The following HR variants were observed in gnomAD, a reference collection of about 807,000 sequenced individuals.
The protein encoded by HR is lysine-specific demethylase hairless.
HR carries 83 observed loss-of-function variants against 128.6 expected under a neutral mutation model. The observed-to-expected ratio is 0.65, with a 90% confidence interval of 0.54 to 0.77. The LOEUF (loss-of-function observed/expected upper bound fraction) is 0.77, where lower values mean the gene tolerates loss of function less well. Ranked by LOEUF, HR falls within the 30% of genes least tolerant of loss-of-function variation. The pLI is 0.00. For synonymous variants in HR, 681 were observed against 658.2 expected (o/e 1.03, Z -0.53); for missense variants, 1,490 against 1,574.6 (o/e 0.95, Z 0.91).
At chr8:22,121,014 C>T (rs1826736079) in intron 10 of HR, 51 bp downstream of exon 10, 2 of 1,612,724 alleles carry the variant, frequency 1.2e-6, no homozygotes, top group Non-Finnish European at 1.7e-6. Context: ...GGAGGGCAGG[C>T]CCAGCCTCTG....
At position 22,122,860 on chromosome 8, in the gene HR, C is replaced by T. The variant is rs376963554; in HGVS notation, c.1935G>A (p.Ala645=). Residue 645 remains alanine (A), a synonymous_variant, in exon 7 of 19, where the codon GCG becomes GCA. Transcript: ENST00000381418. ...GCCCGGCCTCCTGCGTGCACTCCTC[C>T]GCGGACTGCTCCTGAAAGCCTGTGG... ...REKAGFQEQS[A]EECTQEAGHA... 36 of 1,554,014 alleles carry T rather than the reference C, an allele frequency of 2.3e-5. No homozygotes were observed. The African/African-American group carries it at 2.6e-4, about 11-fold the overall frequency.
intron 14 of HR, 56 bp from the exon 15 acceptor site, chr8:22,119,339 T>C: frequency 3.1e-6 from 5 of 1,609,258 alleles, no homozygotes; most frequent in South Asian, 1.1e-5. Flanking sequence ...CCAGGCGCGG[T>C]TGCTCACGCC....
intron 6 of HR, among the ~76,000 whole-genome samples, chr8:22,123,284 T>A (rs573463975): frequency 1.3e-5 from 2 of 152,294 alleles, no homozygotes; most frequent in African/African-American, 4.8e-5. Context: ...CTGCAACACG[T>A]TACTAACTGT....
At position 22,119,847 on chromosome 8, in the gene HR, C is replaced by A. The variant is rs368350520; in HGVS notation, c.2890G>T (p.Ala964Ser). The A allele has an allele frequency of 2.5e-6, 4 of 1,613,792 alleles. No homozygotes were observed. Among genetic ancestry groups the A allele is most frequent in the Non-Finnish European group, 3.4e-6 (4 of 1,180,002 alleles). ...GCCAGGTTGAGTTTTCCATGGAGGG[C>A]GCAGTACTCCGGAAGTGGCAGACTG... ...AASLPLPEYCALHGKLNLASY... is the reference protein window; with the variant it reads ...AASLPLPEYCSLHGKLNLASY... The change falls in exon 14 of 19, where the codon GCC becomes TCC. Residue 964 changes from alanine (A) to serine (S), a missense_variant. This residue lies in a region of HR where 423 missense variants were observed against 495.9 expected (regional missense o/e 0.85). Coordinates refer to ENST00000381418, the MANE Select transcript of HR (RefSeq NM_005144.5).
In HR at chr8:22,120,843, A is replaced by C. The variant is rs1387107902; in HGVS notation, c.2483T>G (p.Leu828Arg). 6.4e-7 allele frequency: 1 copy of C among 1,551,830 alleles called. No individual in the cohort carries two copies. The highest frequency in any genetic ancestry group is 8.7e-7 in the Non-Finnish European group (1 of 1,147,760). The change falls in exon 11 of 19, where the codon CTG becomes CGG. Residue 828 changes from leucine (L) to arginine (R), a missense_variant. This residue lies in a region of HR where 423 missense variants were observed against 495.9 expected (regional missense o/e 0.85). Coordinates refer to ENST00000381418, the MANE Select transcript of HR (RefSeq NM_005144.5). ...CCGCACTGGAGAGAGGGGCAGGCCC[A>C]GGCCCTTGCGCAGACCCGGGCCAGC... ...LRAGPGLRKGLGLPLSPVRPR... is the reference protein window; with the variant it reads ...LRAGPGLRKGRGLPLSPVRPR...
At position 22,123,802 on chromosome 8, in the gene HR, C is replaced by T. The variant is rs1308301896; in HGVS notation, c.1762G>A (p.Ala588Thr). ...AWAQREGQGP[A>T]VTEDSPGIPR... Reference sequence around the variant, plus strand: ...ATGCCTGGGCTGTCCTCTGTCACGGCTGGCCCTTGGCCTGCTGACCACGGA... The same window carrying T: ...ATGCCTGGGCTGTCCTCTGTCACGGTTGGCCCTTGGCCTGCTGACCACGGA... The change falls in exon 6 of 19, where the codon GCC (alanine) becomes ACC (threonine). Residue 588 changes from alanine to threonine, a missense_variant. Transcript: ENST00000381418. 7 of 1,601,022 alleles carry T rather than the reference C, an allele frequency of 4.4e-6. No individual in the cohort carries two copies. The highest frequency in any genetic ancestry group is 5.9e-6 in the Non-Finnish European group (7 of 1,176,498).
In HR at chr8:22,119,954, C is replaced by T; in HGVS notation, c.2847-64G>A. 3.1e-6 allele frequency: 5 copies of T among 1,609,674 alleles called. No homozygotes were observed. In the South Asian group the frequency reaches 5.5e-5, roughly 18 times the overall value. ...GGGCACCAGAGACCCCATCAAAGCC[C>T]CACCACCACCGGGGTAACTCCCAGA... On this transcript the variant is annotated intron_variant, in intron 13 of 18. Transcript: ENST00000381418.
chr8:22,121,828 A>G, intron 8 of HR, 134 bp from the exon 9 acceptor site: 4 of 871,916 alleles, frequency 4.6e-6, no homozygotes, highest in Non-Finnish European at 7.6e-6. Flanking sequence ...GCAAAATGCC[A>G]TAGGATATAA....
intron 10 of HR, 33 bp from the exon 11 acceptor site, chr8:22,120,991 CT>C (rs1309676681): frequency 6.2e-7 from 1 of 1,610,570 alleles, no homozygotes; most frequent in South Asian, 1.1e-5. Context: ...TTAGGACCCA[CT>C]GGGCCCCACA....
In HR at chr8:22,118,761, C is replaced by G; in HGVS notation, c.3213+189G>C. 3 of 609,280 alleles carry G rather than the reference C, an allele frequency of 4.9e-6. 1 individual carries two copies. In the South Asian group the frequency reaches 5.9e-5, roughly 12 times the overall value. 37.7% of individuals were successfully genotyped at this position (609,280 alleles called of 1,614,324 possible). ...TCCTGCCGCAGCCCCTGCCCCTTCT[C>G]TGAGCCCCACGGCAGAACTCCGGGT... is the stretch of plus-strand genomic sequence containing the variant. On this transcript the variant is annotated intron_variant, in intron 16 of 18. Coordinates refer to ENST00000381418, the MANE Select transcript of HR (RefSeq NM_005144.5).
rs778178457 is a variant in HR, at chr8:22,116,300, C to A, written c.3507G>T (p.Gln1169His). The A allele has an allele frequency of 6.2e-7, 1 of 1,612,148 alleles. No individual in the cohort carries two copies. Among genetic ancestry groups the A allele is most frequent in the Non-Finnish European group, 8.5e-7 (1 of 1,179,826 alleles). ...LPPDCHLLYA[Q>H]MDWAVFQAVK... ...GCCTGCTGGCCCACATCCCACTCAC[C>A]TGGGCATAAAGCAGGTGGCAGTCAG... Residue 1169 changes from glutamine to histidine, a missense_variant and splice_region_variant, in exon 18 of 19, where the codon CAG (glutamine) becomes CAT (histidine). Around this residue, in one of 3 missense-constraint regions of HR, gnomAD observed 423 missense variants for 495.9 expected, o/e 0.85. Coordinates refer to ENST00000381418, the MANE Select transcript of HR (RefSeq NM_005144.5). This position sits in a 1 kb window ranked among gnomAD's most constrained non-coding sequence, Gnocchi z 4.2.
rs373610518 is a variant in HR at position 22,121,606 on chromosome 8, C to A, written c.2203+7G>T. On this transcript the variant is annotated splice_region_variant and intron_variant, in intron 9 of 18. Transcript: ENST00000381418. Reference sequence around the variant, plus strand: ...GCACAGGCCGAGGGGCAAGAGGAGCCGCTCACCCTCTTTGATGCTCTTGGT... The same window carrying A: ...GCACAGGCCGAGGGGCAAGAGGAGCAGCTCACCCTCTTTGATGCTCTTGGT... 9 of 1,613,762 alleles carry A rather than the reference C, an allele frequency of 5.6e-6. No individual in the cohort carries two copies. In the East Asian group the frequency reaches 6.7e-5, roughly 12 times the overall value.
At chr8:22,122,113 C>T (rs1826768772) in intron 8 of HR, among the ~76,000 whole-genome samples, 1 of 152,184 alleles carries the variant, frequency 6.6e-6, no homozygotes. Context: ...TTGCAGAATG[C>T]ACATTGAGCG....
rs1826726404 is a variant in HR, at chr8:22,120,801, G to A, written c.2525C>T (p.Pro842Leu). 1.9e-6 allele frequency: 3 copies of A among 1,545,022 alleles called. No homozygotes were observed. The highest frequency in any genetic ancestry group is 2.4e-5 in the East Asian group (1 of 40,864). Residue 842 changes from proline to leucine, a missense_variant, in exon 11 of 19, where the codon CCA becomes CTA. Coordinates refer to ENST00000381418, the MANE Select transcript of HR (RefSeq NM_005144.5). ...LSPVRPRLPP[P>L]GALLWLQEPQ... ...CTCCTGCAGCCACAGCAAAGCCCCTGGGGGAGGCAGCCGGGGCCGCACTGG... is the reference window on the plus strand; with the variant it reads ...CTCCTGCAGCCACAGCAAAGCCCCTAGGGGAGGCAGCCGGGGCCGCACTGG...
Position 22,128,597 on chromosome 8 carries a change from G to T in HR, c.574C>A (p.Gln192Lys). ...CTGAAGGCAGAGGGCACTTTGGGCT[G>T]GCCCCCGGAGTATACCCAGGGGTGC... is the stretch of plus-strand genomic sequence containing the variant. ...TPHPWVYSGG[Q>K]PKVPSAFSLG... Residue 192 changes from glutamine (Q) to lysine (K), a missense_variant, in exon 2 of 19, where the codon CAG becomes AAG. Transcript: ENST00000381418. The T allele has an allele frequency of 6.2e-7, 1 of 1,609,164 alleles. No individual in the cohort carries two copies. Among genetic ancestry groups the T allele is most frequent in the Non-Finnish European group, 8.5e-7 (1 of 1,178,572 alleles).
In HR at chr8:22,120,801, G is replaced by T; in HGVS notation, c.2525C>A (p.Pro842Gln). 2 of 1,545,022 alleles carry T rather than the reference G, an allele frequency of 1.3e-6. No homozygotes were observed. The highest frequency in any genetic ancestry group is 1.7e-6 in the Non-Finnish European group (2 of 1,143,258). The change falls in exon 11 of 19, where the codon CCA (proline) becomes CAA (glutamine). Residue 842 changes from proline (P) to glutamine (Q), a missense_variant. Pro to Gln is a moderately conservative substitution (Grantham distance 76). Coordinates refer to ENST00000381418, the MANE Select transcript of HR (RefSeq NM_005144.5). ...LSPVRPRLPP[P>Q]GALLWLQEPQ... ...CTCCTGCAGCCACAGCAAAGCCCCT[G>T]GGGGAGGCAGCCGGGGCCGCACTGG...
In HR at chr8:22,125,444, C is replaced by G. The variant is rs762714047; in HGVS notation, c.1617G>C (p.Glu539Asp). Residue 539 changes from glutamate to aspartate, a missense_variant, in exon 5 of 19, where the codon GAG becomes GAC. Around this residue, in one of 3 missense-constraint regions of HR, gnomAD observed 1,060 missense variants for 1,060.9 expected, o/e 1.00. Transcript: ENST00000381418. ...TGTCAGGGCCGGACCCTGGGCCTTC[C>G]TCAGAGCTGGAGTTGGTGGCTGTGT... ...EEDTATNSSS[E>D]EGPGSGPDSR... 3 of 1,613,386 alleles carry G rather than the reference C, an allele frequency of 1.9e-6. No individual in the cohort carries two copies. Among genetic ancestry groups the G allele is most frequent in the East Asian group, 4.5e-5 (2 of 44,894 alleles).
At chr8:22,123,486 A>C (rs1381792623) in intron 6 of HR, among the ~76,000 whole-genome samples, 163 bp downstream of exon 6, 3 of 152,250 alleles carry the variant, frequency 2.0e-5, no homozygotes, top group East Asian at 3.9e-4. Context: ...ATCTGCAGAG[A>C]GGGGAAGTCT....
At chr8:22,127,972 C>T in intron 2 of HR, 143 bp from the exon 3 acceptor site, 1 of 849,330 alleles carries the variant, frequency 1.2e-6, no homozygotes. Context: ...CCCTAGGTCT[C>T]TGGAGTGCCT....
Sources: gnomAD v4.1 joint callset for allele counts (sites outside exome capture counted in the v4.1 genomes callset) on GRCh38, gnomAD v4.1.1 for gene constraint, gnomAD v4.1.1 regional missense constraint, Gnocchi (gnomAD v3.1) non-coding constraint, MANE v1.5 for transcripts, NCBI Gene and HGNC (gene_info 2026-07-23, HGNC 2026-07-21) for gene names.